Variants in CDH3 observed in about 807,000 individuals in gnomAD.
CDH3 encodes cadherin-3.
Under a neutral mutation model 82.0 loss-of-function variants are expected in CDH3, and 54 were observed. That is an observed-to-expected ratio of 0.66 (90% confidence interval 0.53 to 0.83). The LOEUF is 0.83. CDH3 is among the 40% of genes least tolerant of loss of function. The pLI is 0.00. For missense variants in CDH3, 1,054 were observed against 1,084.6 expected (o/e 0.97, Z 0.40); for synonymous variants, 446 against 437.9 (o/e 1.02, Z -0.23).
chr16:68,715,214 C>T (rs1227832000), intron 1 of CDH3, among the ~76,000 whole-genome samples: 2 of 151,812 alleles, frequency 1.3e-5, no homozygotes, highest in Admixed American at 6.6e-5. Flanking sequence ...TCACTCGAAG[C>T]CAGGAGTTCG....
intron 1 of CDH3, among the ~76,000 whole-genome samples, chr16:68,720,089 C>T (rs1033246804): frequency 7.9e-5 from 12 of 151,936 alleles, no homozygotes; most frequent in Admixed American, 7.9e-4. Context: ...CCCAGGAGGT[C>T]GAGGCTGCAG....
chr16:68,717,025 G>A (rs868574410), intron 1 of CDH3, among the ~76,000 whole-genome samples: 8 of 151,944 alleles, frequency 5.3e-5, no homozygotes, highest in Non-Finnish European at 8.8e-5. Context: ...AAGCCAACAG[G>A]CCTGGCCAAT....
In CDH3 at chr16:68,707,475, G is replaced by A. The variant is rs976229563; in HGVS notation, c.99+11552G>A. On this transcript the variant is annotated intron_variant, in intron 1 of 2. Transcript: ENST00000569080. This position sits in a 1 kb window ranked among gnomAD's most constrained non-coding sequence, Gnocchi z 4.5. ...GATGCGGCAGGGCCTGTCGGGGCCT[G>A]TGGGCAGCTGCAGAGCTGGCAGGCG... Among the ~76,000 whole-genome samples the A allele has an allele frequency of 3.3e-5, 5 of 152,212 alleles. No individual in the cohort carries two copies. The highest frequency in any genetic ancestry group is 1.2e-4 in the African/African-American group (5 of 41,460).
chr16:68,651,851 G>A lies in CDH3; in HGVS notation c.160+6101G>A, dbSNP rs188112552. The A allele has an allele frequency of 1.8e-3, 897 of 494,368 alleles. 2 individuals carry two copies. The highest frequency in any genetic ancestry group is 2.8e-3 in the Non-Finnish European group (693 of 245,470). 30.6% of individuals were successfully genotyped at this position (494,368 alleles called of 1,614,324 possible). A position where few individuals can be genotyped will look rare whatever the true frequency, so the allele number is the denominator to read the frequency against. ...GGCTGGTGAGTCCCTCGATCCAGCT[G>A]TGGAGCTCTGCCTCCTTCTGGGGGT... On this transcript the variant is annotated intron_variant, in intron 2 of 15. Coordinates refer to ENST00000264012, the MANE Select transcript of CDH3 (RefSeq NM_001793.6).
chr16:68,696,710 A>G (rs1405580105), intron 15 of CDH3: 1 of 152,738 alleles, frequency 6.5e-6, no homozygotes, highest in East Asian at 1.9e-4. Context: ...ATTTATTGAG[A>G]GAGCTTGTTT....
At chr16:68,701,857 C>T (rs1429253991), downstream of CDH3, among the ~76,000 whole-genome samples, 1 of 151,112 alleles carries the variant, frequency 6.6e-6, no homozygotes, top group African/African-American at 2.4e-5. Flanking sequence ...AATCTCGTCT[C>T]TACTAAAAAT....
chr16:68,720,488 C>G lies in CDH3; in HGVS notation c.100-1937C>G, dbSNP rs1039010767. Reference sequence around the variant, plus strand: ...CTTAGCCCAGAAAGGGAAGAGAGAGCTCTAAACATCTCTAACAAGGCACAG... The same window carrying G: ...CTTAGCCCAGAAAGGGAAGAGAGAGGTCTAAACATCTCTAACAAGGCACAG... On this transcript the variant is annotated intron_variant, in intron 1 of 2. Coordinates refer to the CDH3 transcript ENST00000569080. Among the ~76,000 whole-genome samples the G allele has an allele frequency of 2.6e-5, 4 of 152,240 alleles. No homozygotes were observed. The South Asian group carries it at 6.2e-4, about 24-fold the overall frequency.
chr16:68,731,060 A>ATAT (rs1962280565), downstream of CDH3, among the ~76,000 whole-genome samples: 1 of 94,966 alleles, frequency 1.1e-5, no homozygotes, highest in African/African-American at 3.7e-5. Flanking sequence ...ATATATATAT[A>ATAT]TATATATATA....
At chr16:68,657,370 C>T (rs146132809) in intron 2 of CDH3, among the ~76,000 whole-genome samples, 7 of 152,204 alleles carry the variant, frequency 4.6e-5, no homozygotes, top group Admixed American at 1.3e-4. Context: ...AAAAATTAGC[C>T]GGGCATGGTG....
At chr16:68,703,253 G>A (rs1159234227), downstream of CDH3, among the ~76,000 whole-genome samples, 2 of 152,176 alleles carry the variant, frequency 1.3e-5, no homozygotes, top group Non-Finnish European at 2.9e-5. Flanking sequence ...TAGACAGTTG[G>A]TGAGGAGCTG....
chr16:68,732,473 A>C, the CDH3 span, among the ~76,000 whole-genome samples: 1 of 152,228 alleles, frequency 6.6e-6, no homozygotes, highest in Non-Finnish European at 1.5e-5. Flanking sequence ...CTCTGCCATA[A>C]GGAAACCTGG....
chr16:68,676,620 TGGGTGTG>T, intron 3 of CDH3, 150 bp downstream of exon 3: 1 of 707,576 alleles, frequency 1.4e-6, no homozygotes, highest in South Asian at 1.5e-5. Context: ...GTCCACAGCT[TGGGTGTG>T]AGCACTGATC....
chr16:68,713,091 A>G (rs1962050335), intron 1 of CDH3, among the ~76,000 whole-genome samples: 5 of 145,262 alleles, frequency 3.4e-5, no homozygotes, highest in Admixed American at 2.7e-4. Flanking sequence ...TCCTCTCCCC[A>G]CTCTCTGTGT....
Position 68,684,911 on chromosome 16 carries a change from T to G in CDH3, c.1424+87T>G, listed in dbSNP as rs531408401. ...TGGCCAACGTTTGTTCTGATTACCA[T>G]AGAGATTGTTAAATAGGAATATCCC... On this transcript the variant is annotated intron_variant, in intron 10 of 15. Transcript: ENST00000264012. The G allele has an allele frequency of 1.6e-4, 246 of 1,511,562 alleles. No individual in the cohort carries two copies. The African/African-American group carries it at 3.2e-3, about 20-fold the overall frequency. 93.6% of individuals were successfully genotyped at this position (1,511,562 alleles called of 1,614,324 possible).
At chr16:68,728,907 A>G (rs1220078064), downstream of CDH3, among the ~76,000 whole-genome samples, 1 of 152,240 alleles carries the variant, frequency 6.6e-6, no homozygotes, top group Non-Finnish European at 1.5e-5. Context: ...TGCCTAAAAT[A>G]CTGATCTGAA....
At chr16:68,731,442 ACACACACACG>A (rs1962290705), downstream of CDH3, among the ~76,000 whole-genome samples, 2 of 16,234 alleles carry the variant, frequency 1.2e-4, no homozygotes, top group African/African-American at 3.9e-4. Flanking sequence ...ACATATATAT[ACACACACACG>A]TATATACACA....
the CDH3 span, among the ~76,000 whole-genome samples, chr16:68,732,537 T>C: frequency 6.6e-6 from 1 of 152,224 alleles, no homozygotes; most frequent in Admixed American, 6.5e-5. Context: ...CAGGGTCTCT[T>C]ATCTATCTGC....
intron 2 of CDH3, among the ~76,000 whole-genome samples, chr16:68,662,955 G>A (rs1272765926): frequency 2.3e-5 from 3 of 129,826 alleles, no homozygotes; most frequent in East Asian, 2.6e-4. Context: ...TGCACACTCC[G>A]CCTCCTGGGT....
downstream of CDH3, among the ~76,000 whole-genome samples, chr16:68,731,020 C>CAAAAAA (rs1168041237): frequency 2.9e-5 from 1 of 34,904 alleles, no homozygotes; most frequent in Non-Finnish European, 4.2e-5. Context: ...AACTCCGTCT[C>CAAAAAA]AAAAAAAAAA....
Sources: gnomAD v4.1 joint callset for allele counts (sites outside exome capture counted in the v4.1 genomes callset) on GRCh38, gnomAD v4.1.1 for gene constraint, Gnocchi (gnomAD v3.1) non-coding constraint, MANE v1.5 for transcripts, NCBI Gene and HGNC (gene_info 2026-07-23, HGNC 2026-07-21) for gene names.